TRIM61: variants seen among roughly 807,000 people sequenced by gnomAD.
The protein encoded by TRIM61 is tripartite motif containing 61, also known as putative tripartite motif-containing protein 61.
TRIM61 carries 1 observed loss-of-function variant against 14.2 expected under a neutral mutation model. That is an observed-to-expected ratio of 0.07 (90% CI 0.03 to 0.33). The LOEUF (loss-of-function observed/expected upper bound fraction) is 0.33, where lower values mean the gene tolerates loss of function less well. TRIM61 is among the 10% of genes least tolerant of loss of function. The pLI is 0.99. For synonymous variants in TRIM61, 8 were observed against 71.6 expected, an observed-to-expected ratio of 0.11 and a Z score of 4.49; for missense variants, 19 against 202.2, an observed-to-expected ratio of 0.09 and a Z score of 5.49.
Position 164,976,765 on chromosome 4 carries a change from G to GT in TRIM61, c.-416dup. 6.6e-6 allele frequency: 1 copy of GT among 152,292 alleles called. No homozygotes were observed. The highest frequency in any genetic ancestry group is 1.5e-5 in the Non-Finnish European group (1 of 68,036). 9.4% of individuals were successfully genotyped at this position (152,292 alleles called of 1,614,324 possible). A position where few individuals can be genotyped will look rare whatever the true frequency, so the allele number is the denominator to read the frequency against. On this transcript the variant is annotated 5_prime_UTR_variant, in exon 2 of 5. Coordinates refer to ENST00000329314, the MANE Select transcript of TRIM61 (RefSeq NM_001012414.3). ...CCCAGTTTCTGACTCAGTAGGGCTG[G>GT]TTTTTTCCTAAGTTCCCAGATGATG...
chr4:164,972,106 A>G (rs191026842), intron 2 of TRIM61, among the ~76,000 whole-genome samples: 28 of 152,340 alleles, frequency 1.8e-4, no homozygotes, highest in Non-Finnish European at 3.7e-4. Context: ...AGGACTGCAC[A>G]AGCAAAAGCT....
chr4:164,971,088 G>A (rs1458258773), intron 2 of TRIM61, among the ~76,000 whole-genome samples: 1 of 152,030 alleles, frequency 6.6e-6, no homozygotes, highest in Non-Finnish European at 1.5e-5. Flanking sequence ...GCGACAGAGT[G>A]AAACTCTATC....
rs540495146 is a variant in TRIM61, at chr4:164,955,050, G to A, written c.572C>T (p.Ser191Leu). 1.8e-5 allele frequency: 4 copies of A among 225,780 alleles called. No homozygotes were observed. Among genetic ancestry groups the A allele is most frequent in the African/African-American group, 4.9e-5 (2 of 40,574 alleles). 14.0% of individuals were successfully genotyped at this position (225,780 alleles called of 1,614,324 possible). Reference sequence around the variant, plus strand: ...CGGGAGGCGGAGGTTGAAGTGAGCCGAGATCGTGCAACTGCACTCCAGCCT... The same window carrying A: ...CGGGAGGCGGAGGTTGAAGTGAGCCAAGATCGTGCAACTGCACTCCAGCCT... The change falls in exon 4 of 5, where the codon TCG becomes TTG. Residue 191 changes from serine to leucine, a missense_variant. By Grantham distance (145) the Ser-to-Leu change is moderately radical. This residue lies in a region of TRIM61 where 2 missense variants were observed against 96.6 expected (regional missense o/e 0.02). Coordinates refer to ENST00000329314, the MANE Select transcript of TRIM61 (RefSeq NM_001012414.3).
At chr4:164,957,855 G>T (rs10034083) in intron 3 of TRIM61, 238 of 189,960 alleles carry the variant, frequency 1.3e-3, no homozygotes, top group Non-Finnish European at 2.4e-3. Flanking sequence ...TGATATAAGG[G>T]TATGTATCAA....
Position 164,957,363 on chromosome 4 carries a change from A to G in TRIM61, c.526-2267T>C, listed in dbSNP as rs751681214. On this transcript the variant is annotated intron_variant, in intron 3 of 4. Coordinates refer to ENST00000329314, the MANE Select transcript of TRIM61 (RefSeq NM_001012414.3). Reference sequence around the variant, plus strand: ...GTCACGCCACCGAAATTGCCAGGCCACTCCAAGTCAGAAGGACCACCAGGA... The same window carrying G: ...GTCACGCCACCGAAATTGCCAGGCCGCTCCAAGTCAGAAGGACCACCAGGA... The G allele has an allele frequency of 3.1e-6, 5 of 1,613,866 alleles. No individual in the cohort carries two copies. In the Admixed American group the frequency reaches 8.3e-5, roughly 27 times the overall value.
intron 2 of TRIM61, among the ~76,000 whole-genome samples, chr4:164,974,204 T>G (rs937283975): frequency 6.6e-6 from 1 of 152,204 alleles, no homozygotes; most frequent in African/African-American, 2.4e-5. Flanking sequence ...ACCTAAAAGC[T>G]GTTATGGCTT....
intron 2 of TRIM61, among the ~76,000 whole-genome samples, chr4:164,972,460 G>T (rs1209747534): frequency 6.6e-6 from 1 of 151,952 alleles, no homozygotes; most frequent in Non-Finnish European, 1.5e-5. Flanking sequence ...CTCCACCTTT[G>T]TCCTAGACTA....
chr4:164,960,190 C>A lies in TRIM61; in HGVS notation c.526-5094G>T, dbSNP rs77196771. Among the ~76,000 whole-genome samples, 892 of 152,174 alleles carry A rather than the reference C, an allele frequency of 5.9e-3. 24 individuals carry two copies. The highest frequency in any genetic ancestry group is 0.058 in the East Asian group (298 of 5,174). On this transcript the variant is annotated intron_variant, in intron 3 of 4. Transcript: ENST00000329314. ...AAATTCTATATCACAGCCCTCAGAA[C>A]AAACCAATCCTGCCAACACTCATAA...
chr4:164,955,666 C>A (rs193035963), intron 3 of TRIM61, among the ~76,000 whole-genome samples: 1 of 150,890 alleles, frequency 6.6e-6, no homozygotes, highest in East Asian at 2.0e-4. Context: ...GGTTGATTTT[C>A]CTTGTCTTCA....
At chr4:164,967,277 CAT>C in intron 3 of TRIM61, among the ~76,000 whole-genome samples, 1 of 152,316 alleles carries the variant, frequency 6.6e-6, no homozygotes, top group Admixed American at 6.5e-5. Flanking sequence ...TGTCTACTGA[CAT>C]GTTGTCAATT....
Position 164,955,067 on chromosome 4 carries a change from C to T in TRIM61, c.555G>A (p.Glu185=), listed in dbSNP as rs1471168743. The change falls in exon 4 of 5, where the codon GAG becomes GAA. Residue 185 remains glutamate (E), a synonymous_variant. Coordinates refer to ENST00000329314, the MANE Select transcript of TRIM61 (RefSeq NM_001012414.3). ...AGTGAGCCGAGATCGTGCAACTGCA[C>T]TCCAGCCTGGTGACAGAAGGAGACT... The T allele has an allele frequency of 5.2e-6, 1 of 191,922 alleles. No individual in the cohort carries two copies. Among genetic ancestry groups the T allele is most frequent in the South Asian group, 6.4e-5 (1 of 15,682 alleles). 11.9% of individuals were successfully genotyped at this position (191,922 alleles called of 1,614,324 possible).
intron 2 of TRIM61, among the ~76,000 whole-genome samples, chr4:164,974,925 C>T (rs1302605360): frequency 1.3e-5 from 2 of 151,828 alleles, no homozygotes; most frequent in African/African-American, 4.8e-5. Context: ...AAAATTGAGC[C>T]TGAAAAAGTT....
chr4:164,967,427 G>C (rs1184304337), intron 3 of TRIM61, among the ~76,000 whole-genome samples: 1 of 152,158 alleles, frequency 6.6e-6, no homozygotes, highest in African/African-American at 2.4e-5. Context: ...ATAAACCTAA[G>C]GAGGAAAAGA....
At chr4:164,974,000 T>C (rs752668682) in intron 2 of TRIM61, among the ~76,000 whole-genome samples, 1 of 152,230 alleles carries the variant, frequency 6.6e-6, no homozygotes, top group Non-Finnish European at 1.5e-5. Context: ...TAAAACCTTG[T>C]CTCTCCTGAA....
At chr4:164,961,195 A>G (rs1459125218) in intron 3 of TRIM61, among the ~76,000 whole-genome samples, 1 of 131,824 alleles carries the variant, frequency 7.6e-6, no homozygotes, top group African/African-American at 2.8e-5. Flanking sequence ...AAAAAAAAAG[A>G]AAGAAAAATA....
intron 2 of TRIM61, among the ~76,000 whole-genome samples, chr4:164,971,078 G>A (rs1579149269): frequency 6.6e-6 from 1 of 152,120 alleles, no homozygotes; most frequent in Non-Finnish European, 1.5e-5. Flanking sequence ...TCCAGCCCCA[G>A]CGACAGAGTG....
intron 3 of TRIM61, chr4:164,957,167 C>G: frequency 6.2e-7 from 1 of 1,612,212 alleles, no homozygotes; most frequent in Non-Finnish European, 8.5e-7. Context: ...ACCTTATACG[C>G]TGACCGGCGG....
At chr4:164,973,737 T>G (rs1451672196) in intron 2 of TRIM61, among the ~76,000 whole-genome samples, 1 of 152,260 alleles carries the variant, frequency 6.6e-6, no homozygotes, top group African/African-American at 2.4e-5. Flanking sequence ...ATAAAAAATA[T>G]TGTAGGACTA....
At chr4:164,960,919 C>G (rs1018084772) in intron 3 of TRIM61, among the ~76,000 whole-genome samples, 1 of 151,746 alleles carries the variant, frequency 6.6e-6, no homozygotes, top group Non-Finnish European at 1.5e-5. Context: ...CCACTGCACT[C>G]AAACCTGGGT....
Sources: gnomAD v4.1 joint callset for allele counts (sites outside exome capture counted in the v4.1 genomes callset) on GRCh38, gnomAD v4.1.1 for gene constraint, gnomAD v4.1.1 regional missense constraint, MANE v1.5 for transcripts, NCBI Gene and HGNC (gene_info 2026-07-23, HGNC 2026-07-21) for gene names.